The following MYO3A variants were observed in gnomAD, a reference collection of about 807,000 sequenced individuals.
The protein encoded by MYO3A is myosin IIIA.
A neutral mutation model predicts 192.7 loss-of-function variants in MYO3A; 180 were observed. The observed-to-expected ratio is 0.93, with a 90% CI of 0.83 to 1.06. The LOEUF (loss-of-function observed/expected upper bound fraction) is 1.06. MYO3A is among the 50% of genes least tolerant of loss of function. MYO3A has a pLI of 0.00. For synonymous variants in MYO3A, 628 were observed against 645.3 expected (o/e 0.97, Z 0.41); for missense variants, 1,896 against 1,905.0 (o/e 1.00, Z 0.09).
chr10:26,127,122 T>C (rs201258807), intron 19 of MYO3A, among the ~76,000 whole-genome samples: 1 of 152,146 alleles, frequency 6.6e-6, no homozygotes, highest in East Asian at 1.9e-4. Flanking sequence ...CTTGGAGCCT[T>C]TTAAGAACGT....
chr10:26,123,423 C>T (rs191910262), intron 18 of MYO3A, among the ~76,000 whole-genome samples: 1 of 151,972 alleles, frequency 6.6e-6, no homozygotes, highest in East Asian at 1.9e-4. Flanking sequence ...ACAGAAGTTA[C>T]CAATAAAAAT....
chr10:26,139,814 C>T (rs1484085206), intron 20 of MYO3A, among the ~76,000 whole-genome samples: 3 of 152,080 alleles, frequency 2.0e-5, no homozygotes, highest in Admixed American at 6.5e-5. Flanking sequence ...ATCACTTGAA[C>T]CCAGGAGGCA....
chr10:26,042,406 T>C (rs1333978612), intron 10 of MYO3A, among the ~76,000 whole-genome samples: 1 of 152,184 alleles, frequency 6.6e-6, no homozygotes, highest in African/African-American at 2.4e-5. Context: ...TTTCTACCCC[T>C]CTTTCTCTAC....
At chr10:26,193,712 C>T (rs959300550) in intron 32 of MYO3A, among the ~76,000 whole-genome samples, 3 of 152,192 alleles carry the variant, frequency 2.0e-5, no homozygotes, top group African/African-American at 7.2e-5. Context: ...GTTTATTAAG[C>T]ATCTTTTAAA....
At chr10:26,182,732 C>G (rs1260146698) in intron 31 of MYO3A, among the ~76,000 whole-genome samples, 1 of 152,144 alleles carries the variant, frequency 6.6e-6, no homozygotes, top group African/African-American at 2.4e-5. Context: ...CTGAGTTTTC[C>G]TTATTCTCCA....
intron 1 of MYO3A, among the ~76,000 whole-genome samples, chr10:25,934,572 G>A (rs1403408614): frequency 1.3e-5 from 2 of 152,030 alleles, no homozygotes; most frequent in East Asian, 3.9e-4. Context: ...GAAACCAAGA[G>A]GGGGAATGTG....
chr10:26,046,338 G>C (rs1230874356), intron 10 of MYO3A, among the ~76,000 whole-genome samples: 1 of 152,196 alleles, frequency 6.6e-6, no homozygotes, highest in Non-Finnish European at 1.5e-5. Flanking sequence ...TTGCTTGCTT[G>C]ATGCATTGAG....
intron 31 of MYO3A, among the ~76,000 whole-genome samples, chr10:26,192,295 A>C (rs1460835079): frequency 1.3e-5 from 2 of 152,228 alleles, no homozygotes; most frequent in Admixed American, 1.3e-4. Context: ...CATATCTAAA[A>C]CAGCTGTTGG....
chr10:26,008,048 G>A (rs1486115606), intron 6 of MYO3A, among the ~76,000 whole-genome samples: 4 of 149,576 alleles, frequency 2.7e-5, no homozygotes, highest in Non-Finnish European at 5.9e-5. Flanking sequence ...TAGATCAATG[G>A]AACAGAACAG....
Position 26,158,154 on chromosome 10 carries a change from G to A in MYO3A, c.2999+639G>A, listed in dbSNP as rs549332750. ...GATCAAATGAGATACTGTCTCTAAC[G>A]GTGATTTGGAAGATGAAACAATTAG... On this transcript the variant is annotated intron_variant, in intron 26 of 34. Transcript: ENST00000642920. 4.6e-5 allele frequency among the ~76,000 whole-genome samples: 7 copies of A among 152,198 alleles called. No homozygotes were observed. The East Asian group carries it at 5.8e-4, about 13-fold the overall frequency.
chr10:26,039,207 A>ATTTTTTTTTTTTTTTTTTTTT (rs34416918), intron 10 of MYO3A, among the ~76,000 whole-genome samples: 6 of 106,858 alleles, frequency 5.6e-5, no homozygotes, highest in Non-Finnish European at 7.1e-5. Flanking sequence ...GGCTCGGCTA[A>ATTTTTTTTTTTTTTTTTTTTT]TTTTTTTTTT....
chr10:25,955,940 G>C (rs1837506820), intron 4 of MYO3A, among the ~76,000 whole-genome samples: 1 of 152,068 alleles, frequency 6.6e-6, no homozygotes, highest in Non-Finnish European at 1.5e-5. Flanking sequence ...ATACAGAATA[G>C]AAACTTATTC....
chr10:26,182,194 C>T (rs568431405), intron 31 of MYO3A, among the ~76,000 whole-genome samples: 8 of 152,322 alleles, frequency 5.3e-5, no homozygotes, highest in Admixed American at 6.5e-5. Context: ...CTCCATCCCT[C>T]GCTAACTTCA....
In MYO3A at chr10:26,101,092, C is replaced by T. The variant is rs1044499791; in HGVS notation, c.1776+4410C>T. Among the ~76,000 whole-genome samples the T allele has an allele frequency of 2.6e-5, 4 of 152,162 alleles. No homozygotes were observed. In the East Asian group the frequency reaches 5.8e-4, roughly 22 times the overall value. On this transcript the variant is annotated intron_variant, in intron 17 of 34. Coordinates refer to ENST00000642920, the MANE Select transcript of MYO3A (RefSeq NM_017433.5). ...AATCTGGGTGCTCCTGTATTGGGTG[C>T]ATATATATTTAGGATAGTTAGCTCT...
chr10:26,125,952 T>G (rs560718146), intron 19 of MYO3A, among the ~76,000 whole-genome samples: 1 of 152,312 alleles, frequency 6.6e-6, no homozygotes, highest in East Asian at 1.9e-4. Context: ...TTGTATAAAA[T>G]GTCAGCTCAG....
At chr10:25,981,766 A>G (rs1228689260) in intron 4 of MYO3A, among the ~76,000 whole-genome samples, 2 of 152,210 alleles carry the variant, frequency 1.3e-5, no homozygotes, top group Non-Finnish European at 2.9e-5. Flanking sequence ...CAGGATTAAA[A>G]TGGTGGATAG....
intron 10 of MYO3A, among the ~76,000 whole-genome samples, chr10:26,051,543 A>G (rs1216754490): frequency 2.1e-5 from 3 of 142,104 alleles, no homozygotes; most frequent in African/African-American, 7.6e-5. Context: ...TTTAATACAT[A>G]TATATATTAT....
chr10:25,965,172 A>G (rs144177873), intron 4 of MYO3A, among the ~76,000 whole-genome samples: 16 of 152,274 alleles, frequency 1.1e-4, no homozygotes, highest in African/African-American at 3.1e-4. Flanking sequence ...CTCTGTTACT[A>G]TTCCTTTGAA....
intron 4 of MYO3A, among the ~76,000 whole-genome samples, chr10:25,980,701 C>T (rs1322950154): frequency 1.3e-5 from 2 of 151,992 alleles, no homozygotes; most frequent in Non-Finnish European, 2.9e-5. Context: ...TTGGTGTTAG[C>T]AACTGTGTTT....
Sources: gnomAD v4.1 joint callset for allele counts (sites outside exome capture counted in the v4.1 genomes callset) on GRCh38, gnomAD v4.1.1 for gene constraint, MANE v1.5 for transcripts, NCBI Gene and HGNC (gene_info 2026-07-23, HGNC 2026-07-21) for gene names.